The following EPDR1 variants were observed in gnomAD, a reference collection of about 807,000 sequenced individuals.
The protein encoded by EPDR1 is mammalian ependymin-related protein 1.
A neutral mutation model predicts 23.7 loss-of-function variants in EPDR1; 27 were observed. The observed-to-expected ratio is 1.14, with a 90% CI of 0.84 to 1.57. The LOEUF (loss-of-function observed/expected upper bound fraction) is 1.57, where lower values mean the gene tolerates loss of function less well. Ranked by LOEUF, EPDR1 falls within the 40% of genes most tolerant of loss-of-function variation. EPDR1 has a pLI of 0.00. For missense variants in EPDR1, 349 were observed against 290.4 expected, an observed-to-expected ratio of 1.20 and a Z score of -1.47; for synonymous variants, 137 against 118.2, an observed-to-expected ratio of 1.16 and a Z score of -1.03.
intron 1 of EPDR1, among the ~76,000 whole-genome samples, chr7:37,939,536 C>A (rs923728856): frequency 6.6e-6 from 1 of 152,126 alleles, no homozygotes; most frequent in South Asian, 2.1e-4. Flanking sequence ...CTGATAGGAG[C>A]TCTACCCAAA....
chr7:37,924,077 A>G (rs1376192314), intron 1 of EPDR1, among the ~76,000 whole-genome samples: 1 of 152,154 alleles, frequency 6.6e-6, no homozygotes, highest in Non-Finnish European at 1.5e-5. Context: ...CAAATGCTAA[A>G]CCTGTCTACT....
chr7:37,936,053 G>T (rs1207073531), intron 1 of EPDR1, among the ~76,000 whole-genome samples: 1 of 86,488 alleles, frequency 1.2e-5, no homozygotes, highest in Non-Finnish European at 2.5e-5. Context: ...CAAGGGAAAT[G>T]TGAATCTGTT....
At position 37,920,705 on chromosome 7, in the gene EPDR1, A is replaced by G. The variant is rs1321680920; in HGVS notation, c.-235A>G. On this transcript the variant is annotated 5_prime_UTR_variant, in exon 1 of 3. Transcript: ENST00000199448. Reference sequence around the variant, plus strand: ...TGGCAGCAGGCAGTGGCCCAGGCAGAAATAGCTCCCGCGCGATTCACTGGA... The same window carrying G: ...TGGCAGCAGGCAGTGGCCCAGGCAGGAATAGCTCCCGCGCGATTCACTGGA... 6.2e-7 allele frequency: 1 copy of G among 1,605,298 alleles called. No homozygotes were observed. The highest frequency in any genetic ancestry group is 8.5e-7 in the Non-Finnish European group (1 of 1,174,846).
chr7:37,923,255 G>T (rs1294711583), intron 1 of EPDR1, among the ~76,000 whole-genome samples: 6 of 152,180 alleles, frequency 3.9e-5, no homozygotes, highest in African/African-American at 1.2e-4. Flanking sequence ...TTGTCGTAGT[G>T]GTCCAGGTGA....
intron 1 of EPDR1, among the ~76,000 whole-genome samples, chr7:37,932,976 GC>G (rs1221865613): frequency 1.3e-5 from 2 of 152,264 alleles, no homozygotes; most frequent in East Asian, 3.9e-4. Context: ...TTCTTAAATG[GC>G]AAACATAATT....
intron 1 of EPDR1, among the ~76,000 whole-genome samples, chr7:37,936,027 T>TATATATATATACAC (rs1786042992): frequency 3.7e-5 from 4 of 108,292 alleles, no homozygotes; most frequent in East Asian, 3.2e-4. Context: ...TATATATATA[T>TATATATATATACAC]ATATATATAT....
intron 2 of EPDR1, 44 bp downstream of exon 2, chr7:37,949,092 T>G (rs746880767): frequency 1.3e-6 from 2 of 1,576,422 alleles, no homozygotes; most frequent in South Asian, 2.2e-5. Context: ...GCATGCATGA[T>G]GGGGAAAAAG....
intron 1 of EPDR1, among the ~76,000 whole-genome samples, chr7:37,938,443 G>T (rs1326910191): frequency 1.3e-5 from 2 of 152,176 alleles, no homozygotes; most frequent in African/African-American, 4.8e-5. Context: ...ATATGGTGGA[G>T]AAGCTCTGGT....
chr7:37,937,797 T>C (rs1162669127), intron 1 of EPDR1, among the ~76,000 whole-genome samples: 1 of 151,804 alleles, frequency 6.6e-6, no homozygotes. Context: ...CATAGGAAAA[T>C]AGAATTAAAA....
chr7:37,926,137 T>C (rs1785804530), intron 1 of EPDR1, among the ~76,000 whole-genome samples: 1 of 152,218 alleles, frequency 6.6e-6, no homozygotes, highest in Non-Finnish European at 1.5e-5. Flanking sequence ...TGCTATCACC[T>C]AAGGTAACTT....
intron 1 of EPDR1, 24 bp downstream of exon 1, chr7:37,921,232 C>T (rs749915994): frequency 2.5e-6 from 4 of 1,568,726 alleles, no homozygotes; most frequent in Non-Finnish European, 3.4e-6. Context: ...GCCCGCGGGG[C>T]GGGAGTAGGG....
Position 37,920,713 on chromosome 7 carries a change from C to A in EPDR1, c.-227C>A, listed in dbSNP as rs1267281140. On this transcript the variant is annotated 5_prime_UTR_variant, in exon 1 of 3. Transcript: ENST00000199448. ...GGCAGTGGCCCAGGCAGAAATAGCTCCCGCGCGATTCACTGGAGCCTTCCC... is the reference window on the plus strand; with the variant it reads ...GGCAGTGGCCCAGGCAGAAATAGCTACCGCGCGATTCACTGGAGCCTTCCC... 1 of 1,607,120 alleles carries A rather than the reference C, an allele frequency of 6.2e-7. No individual in the cohort carries two copies. Among genetic ancestry groups the A allele is most frequent in the Non-Finnish European group, 8.5e-7 (1 of 1,176,132 alleles).
chr7:37,929,019 C>T (rs1340148410), intron 1 of EPDR1, among the ~76,000 whole-genome samples: 1 of 152,140 alleles, frequency 6.6e-6, no homozygotes, highest in Non-Finnish European at 1.5e-5. Context: ...CAGCCTTTTC[C>T]CTACCTTATC....
At chr7:37,930,318 G>A (rs564054322) in intron 1 of EPDR1, among the ~76,000 whole-genome samples, 1 of 152,314 alleles carries the variant, frequency 6.6e-6, no homozygotes, top group African/African-American at 2.4e-5. Context: ...ATGGGAAGCC[G>A]GTGGTGCAGG....
chr7:37,931,108 G>C (rs1012853167), intron 1 of EPDR1, among the ~76,000 whole-genome samples: 3 of 151,574 alleles, frequency 2.0e-5, no homozygotes, highest in Non-Finnish European at 2.9e-5. Flanking sequence ...GATTTTCAAT[G>C]TCTAAGCACA....
chr7:37,927,083 C>A (rs1785829311), intron 1 of EPDR1, among the ~76,000 whole-genome samples: 1 of 152,140 alleles, frequency 6.6e-6, no homozygotes, highest in Non-Finnish European at 1.5e-5. Context: ...TGCCCCAGTC[C>A]TAGGATAAAC....
chr7:37,936,044 A>ATATATATAT (rs1554374649), intron 1 of EPDR1, among the ~76,000 whole-genome samples: 1 of 127,600 alleles, frequency 7.8e-6, no homozygotes, highest in Non-Finnish European at 1.6e-5. Context: ...ATATATACAC[A>ATATATATAT]AGGGAAATGT....
At chr7:37,938,003 T>C (rs1475010861) in intron 1 of EPDR1, among the ~76,000 whole-genome samples, 2 of 141,276 alleles carry the variant, frequency 1.4e-5, no homozygotes, top group Admixed American at 7.2e-5. Flanking sequence ...TTTTTTTTTT[T>C]TTTTTGAGAT....
chr7:37,921,021 T>C lies in EPDR1; in HGVS notation c.82T>C (p.Cys28Arg), dbSNP rs771865466. ...GGGCGGCCTCTGGGCCTGGACCCTGTGCGGCCTGTGCAGCCTGGGGGCGGT... is the reference window on the plus strand; with the variant it reads ...GGGCGGCCTCTGGGCCTGGACCCTGCGCGGCCTGTGCAGCCTGGGGGCGGT... ...LLGGLWAWTLCGLCSLGAVGA... is the reference protein window; with the variant it reads ...LLGGLWAWTLRGLCSLGAVGA... The change falls in exon 1 of 3, where the codon TGC becomes CGC. Residue 28 changes from cysteine to arginine, a missense_variant. By Grantham distance (180) the Cys-to-Arg change is radical. Coordinates refer to ENST00000199448, the MANE Select transcript of EPDR1 (RefSeq NM_017549.5). 6.0e-5 allele frequency: 91 copies of C among 1,522,896 alleles called. No individual in the cohort carries two copies. The Admixed American group carries it at 1.6e-3, about 27-fold the overall frequency. The allele number at this position is 1,522,896 out of a possible 1,614,324, so 94.3% of individuals were successfully genotyped here.
Sources: gnomAD v4.1 joint callset for allele counts (sites outside exome capture counted in the v4.1 genomes callset) on GRCh38, gnomAD v4.1.1 for gene constraint, MANE v1.5 for transcripts, NCBI Gene and HGNC (gene_info 2026-07-23, HGNC 2026-07-21) for gene names.